The following ABHD2 variants were observed in gnomAD, a reference collection of about 807,000 sequenced individuals.
ABHD2 encodes abhydrolase domain containing 2, acylglycerol lipase.
A neutral mutation model predicts 48.1 loss-of-function variants in ABHD2; 20 were observed. The observed-to-expected ratio is 0.42, with a 90% CI of 0.29 to 0.60. The LOEUF is 0.60. ABHD2 is among the 20% of genes least tolerant of loss of function. ABHD2 has a pLI of 0.24. For synonymous variants in ABHD2, 209 were observed against 214.2 expected (o/e 0.98, Z 0.21); for missense variants, 405 against 550.9 (o/e 0.74, Z 2.65).
chr15:89,070,714 A>G, the ABHD2 span, among the ~76,000 whole-genome samples: 3,171 of 152,248 alleles, frequency 0.021, 101 homozygotes, highest in African/African-American at 0.072. Flanking sequence ...GGCATGAGGG[A>G]GTGGGCAAGC....
the ABHD2 span, among the ~76,000 whole-genome samples, chr15:89,073,366 G>A: frequency 6.6e-6 from 1 of 152,148 alleles, no homozygotes; most frequent in East Asian, 1.9e-4. Context: ...TACGATCTTG[G>A]CTCACTGCAA....
In ABHD2 at chr15:89,114,739, C is replaced by G. The variant is rs556934013; in HGVS notation, c.-7+915C>G. On this transcript the variant is annotated intron_variant, in intron 2 of 10. Transcript: ENST00000352732. The surrounding 1 kb of genome is among the most constrained non-coding windows in gnomAD (Gnocchi z 4.2). ...GCTCAAGTGATCCACCCACTTTGGC[C>G]TCCCAAAGTGCATGATTACAGGCAT... 6.6e-6 allele frequency among the ~76,000 whole-genome samples: 1 copy of G among 152,296 alleles called. No homozygotes were observed. Among genetic ancestry groups the G allele is most frequent in the African/African-American group, 2.4e-5 (1 of 41,570 alleles).
rs186233345 is a variant in ABHD2 at position 89,113,487 on chromosome 15, A to T, written c.-106-238A>T. Among the ~76,000 whole-genome samples, 36 of 152,352 alleles carry T rather than the reference A, an allele frequency of 2.4e-4. 1 individual carries two copies. In the East Asian group the frequency reaches 6.2e-3, roughly 26 times the overall value. ...ATTGGCTTTAGCCAGAATTAGGAACACAGCAGAAAACTTGTCCTAGAAACC... is the reference window on the plus strand; with the variant it reads ...ATTGGCTTTAGCCAGAATTAGGAACTCAGCAGAAAACTTGTCCTAGAAACC... On this transcript the variant is annotated intron_variant, in intron 1 of 10. Transcript: ENST00000352732.
At chr15:89,076,842 C>G in the ABHD2 span, among the ~76,000 whole-genome samples, 2 of 152,118 alleles carry the variant, frequency 1.3e-5, no homozygotes, top group African/African-American at 4.8e-5. Context: ...GTTGATCTAT[C>G]TCTTCAATTT....
At chr15:89,183,756 C>A (rs1596156600) in intron 6 of ABHD2, among the ~76,000 whole-genome samples, 1 of 152,306 alleles carries the variant, frequency 6.6e-6, no homozygotes, top group East Asian at 1.9e-4. Flanking sequence ...CCTCTGCAGC[C>A]TGTCTGCAAT....
intron 3 of ABHD2, among the ~76,000 whole-genome samples, chr15:89,123,136 C>A (rs934771821): frequency 1.3e-5 from 2 of 152,218 alleles, no homozygotes; most frequent in Admixed American, 1.3e-4. Context: ...GGGGCATACC[C>A]ACTAACACCA....
At chr15:89,160,312 TGTTA>T (rs1474853649) in intron 5 of ABHD2, among the ~76,000 whole-genome samples, 1 of 152,160 alleles carries the variant, frequency 6.6e-6, no homozygotes, top group African/African-American at 2.4e-5. Flanking sequence ...CATGTAAGTG[TGTTA>T]GTTGTTGATG....
At position 89,185,603 on chromosome 15, in the gene ABHD2, CT is replaced by C; in HGVS notation, c.815+89del. On this transcript the variant is annotated intron_variant, in intron 7 of 10. Coordinates refer to ENST00000352732, the MANE Select transcript of ABHD2 (RefSeq NM_152924.5). The surrounding 1 kb of genome is among the most constrained non-coding windows in gnomAD (Gnocchi z 5.9). The stretch of plus-strand genomic sequence containing the variant: ...CCGTGAAAAGCCAGGACTCCTGTTC[CT>C]TCAGGGGAAAAAAAAAAATGCAGGT... 1.7e-6 allele frequency: 2 copies of C among 1,191,502 alleles called. No individual in the cohort carries two copies. The highest frequency in any genetic ancestry group is 2.4e-6 in the Non-Finnish European group (2 of 821,842). 73.8% of individuals were successfully genotyped at this position (1,191,502 alleles called of 1,614,324 possible).
At chr15:89,147,504 C>T (rs2050513968) in intron 3 of ABHD2, among the ~76,000 whole-genome samples, 1 of 151,572 alleles carries the variant, frequency 6.6e-6, no homozygotes, top group Non-Finnish European at 1.5e-5. Flanking sequence ...CAGGTGCCCG[C>T]CACCACGCCC....
In ABHD2 at chr15:89,146,502, A is replaced by C. The variant is rs1490749551; in HGVS notation, c.195-5175A>C. Among the ~76,000 whole-genome samples the C allele has an allele frequency of 6.6e-6, 1 of 152,056 alleles. No homozygotes were observed. ...GATGTCGATTATAAATAGGCTCAGAAGATAAGGACAGGCTGGCCTCTATAT... is the reference window on the plus strand; with the variant it reads ...GATGTCGATTATAAATAGGCTCAGACGATAAGGACAGGCTGGCCTCTATAT... On this transcript the variant is annotated intron_variant, in intron 3 of 10. Transcript: ENST00000352732. This position sits in a 1 kb window ranked among gnomAD's most constrained non-coding sequence, Gnocchi z 4.2.
chr15:89,086,022 T>G (rs1417198188), upstream of ABHD2, among the ~76,000 whole-genome samples: 1 of 152,052 alleles, frequency 6.6e-6, no homozygotes, highest in East Asian at 1.9e-4. Context: ...CCAAAACTAG[T>G]GACAAATCTT....
In ABHD2 at chr15:89,201,560, C is replaced by T; in HGVS notation, c.*6137C>T. 6.3e-7 allele frequency: 1 copy of T among 1,597,500 alleles called. No individual in the cohort carries two copies. The highest frequency in any genetic ancestry group is 2.2e-5 in the East Asian group (1 of 44,818). On this transcript the variant is annotated 3_prime_UTR_variant, in exon 11 of 11. Transcript: ENST00000352732. ...TTTCATTCGGATCATAGTCAAAGGG[C>T]TGTAGCATTACTGAAACAGTCACAG...
At chr15:89,190,832 A>G (rs2051291293) in intron 8 of ABHD2, among the ~76,000 whole-genome samples, 1 of 152,110 alleles carries the variant, frequency 6.6e-6, no homozygotes, top group Admixed American at 6.5e-5. Context: ...TTGAACCCCA[A>G]TGCCAAAGCC....
At chr15:89,044,471 A>G in the ABHD2 span, among the ~76,000 whole-genome samples, 1 of 152,248 alleles carries the variant, frequency 6.6e-6, no homozygotes, top group East Asian at 1.9e-4. Context: ...GCCCTGAGGA[A>G]TCGCCACACT....
chr15:89,181,007 C>A (rs1484790963), intron 6 of ABHD2, among the ~76,000 whole-genome samples: 1 of 152,068 alleles, frequency 6.6e-6, no homozygotes, highest in Non-Finnish European at 1.5e-5. Context: ...GCACGCGGAT[C>A]ACAAGGTCAG....
At chr15:89,049,423 C>T in the ABHD2 span, among the ~76,000 whole-genome samples, 2 of 152,240 alleles carry the variant, frequency 1.3e-5, no homozygotes, top group African/African-American at 2.4e-5. Flanking sequence ...CCACCCTGTT[C>T]GAGCTTCCTG....
Position 89,151,560 on chromosome 15 carries a change from C to A in ABHD2, c.195-117C>A. ...ACGTAATAAAAGCCTCATGTTTATG[C>A]TTTGTGTGCAGAATTTCCCTGGAAC... is the stretch of plus-strand genomic sequence containing the variant. On this transcript the variant is annotated intron_variant, in intron 3 of 10. Transcript: ENST00000352732. The surrounding 1 kb of genome is among the most constrained non-coding windows in gnomAD (Gnocchi z 4.7). The A allele has an allele frequency of 8.9e-7, 1 of 1,128,648 alleles. No individual in the cohort carries two copies. Among genetic ancestry groups the A allele is most frequent in the Non-Finnish European group, 1.3e-6 (1 of 789,708 alleles). 69.9% of individuals were successfully genotyped at this position (1,128,648 alleles called of 1,614,324 possible). A position where few individuals can be genotyped will look rare whatever the true frequency, so the allele number is the denominator to read the frequency against.
At chr15:89,181,087 G>A (rs2051103227) in intron 6 of ABHD2, among the ~76,000 whole-genome samples, 1 of 151,868 alleles carries the variant, frequency 6.6e-6, no homozygotes, top group African/African-American at 2.4e-5. Context: ...TTAGCCAGGT[G>A]TGGTGGCGCG....
At chr15:89,060,822 G>A in the ABHD2 span, among the ~76,000 whole-genome samples, 1 of 151,910 alleles carries the variant, frequency 6.6e-6, no homozygotes, top group Non-Finnish European at 1.5e-5. Context: ...TTCTTTCCTA[G>A]TTTTGTCCTG....
Sources: allele counts gnomAD v4.1 joint callset (sites outside exome capture counted in the v4.1 genomes callset), GRCh38; gene constraint gnomAD v4.1.1; non-coding constraint Gnocchi (gnomAD v3.1); transcripts MANE v1.5; gene names NCBI Gene and HGNC (gene_info 2026-07-23, HGNC 2026-07-21).